ZCCHC14: variants seen among roughly 807,000 people sequenced by gnomAD.
The protein encoded by ZCCHC14 is zinc finger CCHC domain-containing protein 14.
Under a neutral mutation model 85.0 loss-of-function variants are expected in ZCCHC14, and 16 were observed. The ratio of observed to expected loss-of-function variants is 0.19; its 90% CI spans 0.13 to 0.29. ZCCHC14 has a LOEUF of 0.29. ZCCHC14 is among the 10% of genes least tolerant of loss of function. The pLI, the probability that ZCCHC14 is intolerant of heterozygous loss-of-function variation, is 1.00. For synonymous variants in ZCCHC14, 775 were observed against 630.7 expected, an observed-to-expected ratio of 1.23 and a Z score of -3.43; for missense variants, 1,303 against 1,443.5, an observed-to-expected ratio of 0.90 and a Z score of 1.58.
chr16:87,466,237 G>A (rs1189201836), intron 1 of ZCCHC14, among the ~76,000 whole-genome samples: 1 of 152,118 alleles, frequency 6.6e-6, no homozygotes, highest in African/African-American at 2.4e-5. Context: ...TAATGTTCAC[G>A]GACCTGACCA....
chr16:87,465,777 A>C (rs1412590416), intron 1 of ZCCHC14, among the ~76,000 whole-genome samples: 1 of 152,172 alleles, frequency 6.6e-6, no homozygotes, highest in Non-Finnish European at 1.5e-5. Context: ...TTTCAAGGTA[A>C]ATCTTCACCA....
At chr16:87,461,310 A>G (rs1211196659) in intron 1 of ZCCHC14, among the ~76,000 whole-genome samples, 1 of 152,262 alleles carries the variant, frequency 6.6e-6, no homozygotes, top group Non-Finnish European at 1.5e-5. Flanking sequence ...TTCCCTCCCC[A>G]TCAGTATTTT....
Position 87,407,497 on chromosome 16 carries a change from G to C in ZCCHC14, c.*2783C>G, listed in dbSNP as rs752791376. ...ATTAGAAAATAAGGTAGAAAACTGA[G>C]TGTTTTGCTTAAAAAATAAAAAAGG... On this transcript the variant is annotated 3_prime_UTR_variant, in exon 13 of 13. Coordinates refer to ENST00000671377, the MANE Select transcript of ZCCHC14 (RefSeq NM_015144.3). The C allele has an allele frequency of 6.6e-6, 1 of 152,178 alleles. No homozygotes were observed. The highest frequency in any genetic ancestry group is 1.5e-5 in the Non-Finnish European group (1 of 68,038). The allele number at this position is 152,178 out of a possible 1,614,324, so 9.4% of individuals were successfully genotyped here.
At chr16:87,452,331 G>A (rs1910745671) in intron 2 of ZCCHC14, among the ~76,000 whole-genome samples, 1 of 152,230 alleles carries the variant, frequency 6.6e-6, no homozygotes, top group Non-Finnish European at 1.5e-5. Context: ...TGCTGGGTGG[G>A]CGACTGCATA....
Position 87,412,714 on chromosome 16 carries a change from T to A in ZCCHC14, c.2007A>T (p.Ser669=). 1 of 1,614,166 alleles carries A rather than the reference T, an allele frequency of 6.2e-7. No individual in the cohort carries two copies. The highest frequency in any genetic ancestry group is 8.5e-7 in the Non-Finnish European group (1 of 1,180,030). The stretch of plus-strand genomic sequence containing the variant: ...TATTCCTTTCTTCTAGAGACAAAAG[T>A]GAGTGCACAGAAGACGAGAGGAGCT... ...DMKLLSSSVH[S]LLSLEERNKG... is the part of the protein sequence containing the mutation. Residue 669 remains serine (S), a synonymous_variant, in exon 12 of 13, where the codon TCA becomes TCT. Transcript: ENST00000671377.
chr16:87,428,003 C>T (rs932653884), intron 3 of ZCCHC14, among the ~76,000 whole-genome samples: 1 of 149,942 alleles, frequency 6.7e-6, no homozygotes, highest in African/African-American at 2.5e-5. Context: ...TCACAGTCTC[C>T]TGGCCTCCAG....
intron 10 of ZCCHC14, among the ~76,000 whole-genome samples, 157 bp from the exon 11 acceptor site, chr16:87,413,352 G>T (rs985092855): frequency 1.3e-4 from 20 of 152,234 alleles, no homozygotes; most frequent in African/African-American, 4.1e-4. Context: ...GCCGCACGGT[G>T]ACGGATGCAG....
chr16:87,467,508 G>C, intron 1 of ZCCHC14: 1 of 1,606,374 alleles, frequency 6.2e-7, no homozygotes, highest in South Asian at 1.1e-5. Context: ...CATGAATACA[G>C]CATCCCTTTC....
At chr16:87,461,061 G>C (rs1268478272) in intron 1 of ZCCHC14, among the ~76,000 whole-genome samples, 4 of 152,194 alleles carry the variant, frequency 2.6e-5, no homozygotes, top group Admixed American at 6.5e-5. Context: ...AGTCCCCATC[G>C]ACAGAGACCT....
At chr16:87,482,334 A>G (rs1212598758) in intron 1 of ZCCHC14, among the ~76,000 whole-genome samples, 1 of 152,230 alleles carries the variant, frequency 6.6e-6, no homozygotes, top group African/African-American at 2.4e-5. Context: ...AAAGGAGAGA[A>G]GTCTGAGGAA....
chr16:87,444,038 G>GAAAAAAAAAAA (rs56352252), intron 2 of ZCCHC14, among the ~76,000 whole-genome samples: 13 of 77,092 alleles, frequency 1.7e-4, no homozygotes, highest in African/African-American at 1.8e-4. Flanking sequence ...CTCTATCACA[G>GAAAAAAAAAAA]AAAAAAAAAA....
rs150220205 is a variant in ZCCHC14 at position 87,443,490 on chromosome 16, C to G, written c.695-10289G>C. Among the ~76,000 whole-genome samples the G allele has an allele frequency of 3.4e-3, 515 of 152,276 alleles. 2 individuals carry two copies. The highest frequency in any genetic ancestry group is 0.012 in the African/African-American group (500 of 41,544). On this transcript the variant is annotated intron_variant, in intron 2 of 12. Coordinates refer to ENST00000671377, the MANE Select transcript of ZCCHC14 (RefSeq NM_015144.3). ...GGGGCTCACACCTGTAATCCCAGCA[C>G]TTTGGGAGGCCAAGGCAGAAGAACT...
At chr16:87,456,441 G>A (rs555597272) in intron 2 of ZCCHC14, among the ~76,000 whole-genome samples, 23 of 145,680 alleles carry the variant, frequency 1.6e-4, no homozygotes, top group African/African-American at 5.3e-4. Flanking sequence ...GCTGAGGCAA[G>A]AGAATGGCGT....
intron 3 of ZCCHC14, among the ~76,000 whole-genome samples, chr16:87,425,133 A>C (rs953456683): frequency 2.0e-5 from 3 of 152,024 alleles, no homozygotes; most frequent in Non-Finnish European, 4.4e-5. Context: ...TCACGCCCTC[A>C]TAATACACAG....
At chr16:87,433,265 G>C in intron 2 of ZCCHC14, 64 bp from the exon 3 acceptor site, 1 of 1,479,786 alleles carries the variant, frequency 6.8e-7, no homozygotes, top group Non-Finnish European at 9.3e-7. Flanking sequence ...TGATTATTTA[G>C]CATTTGATAT....
At chr16:87,453,691 A>G (rs997688432) in intron 2 of ZCCHC14, among the ~76,000 whole-genome samples, 1 of 152,258 alleles carries the variant, frequency 6.6e-6, no homozygotes, top group Non-Finnish European at 1.5e-5. Flanking sequence ...TCCCTGTTGC[A>G]AGAGAGAAAC....
intron 1 of ZCCHC14, among the ~76,000 whole-genome samples, chr16:87,480,407 A>T (rs1912215698): frequency 2.0e-5 from 3 of 152,168 alleles, no homozygotes; most frequent in African/African-American, 7.2e-5. Context: ...TGTCTCAAAA[A>T]AAATAAATAA....
At chr16:87,436,549 A>G (rs543284588) in intron 2 of ZCCHC14, among the ~76,000 whole-genome samples, 1 of 152,350 alleles carries the variant, frequency 6.6e-6, no homozygotes, top group South Asian at 2.1e-4. Context: ...CAGCCATTAG[A>G]CGCTGTGATT....
chr16:87,472,614 C>G (rs534254385), intron 1 of ZCCHC14: 2 of 152,554 alleles, frequency 1.3e-5, no homozygotes, highest in Admixed American at 6.5e-5. Flanking sequence ...AGAAGCAACA[C>G]TGACAGGACA....
Sources: allele counts gnomAD v4.1 joint callset (sites outside exome capture counted in the v4.1 genomes callset), GRCh38; gene constraint gnomAD v4.1.1; transcripts MANE v1.5; gene names NCBI Gene and HGNC (gene_info 2026-07-23, HGNC 2026-07-21).